SEMA5A: variants seen among roughly 807,000 people sequenced by gnomAD.
SEMA5A encodes the protein semaphorin 5A.
In SEMA5A, 55 loss-of-function variants were observed where a neutral mutation model predicts 135.5. The observed-to-expected ratio is 0.41, with a 90% CI of 0.33 to 0.51. SEMA5A has a LOEUF of 0.51. SEMA5A is among the 20% of genes least tolerant of loss of function. The pLI is 0.37. For synonymous variants in SEMA5A, 580 were observed against 546.5 expected (o/e 1.06, Z -0.85); for missense variants, 1,290 against 1,419.9 (o/e 0.91, Z 1.47).
At chr5:9,264,928 T>C (rs1169810286) in intron 5 of SEMA5A, among the ~76,000 whole-genome samples, 1 of 152,138 alleles carries the variant, frequency 6.6e-6, no homozygotes, top group African/African-American at 2.4e-5. Flanking sequence ...TCAAGTTTCT[T>C]TACCTACTAA....
intron 5 of SEMA5A, among the ~76,000 whole-genome samples, chr5:9,243,493 G>A (rs1423431892): frequency 6.6e-6 from 1 of 151,970 alleles, no homozygotes; most frequent in Non-Finnish European, 1.5e-5. Flanking sequence ...TGAGTTTTGG[G>A]GTGATACTCT....
intron 1 of SEMA5A, among the ~76,000 whole-genome samples, chr5:9,493,984 A>G (rs1207422679): frequency 2.6e-5 from 4 of 152,230 alleles, no homozygotes; most frequent in African/African-American, 9.6e-5. Flanking sequence ...TGTGCTAAAT[A>G]TTGTACCTAT....
At chr5:9,471,595 C>T (rs578212943) in intron 1 of SEMA5A, among the ~76,000 whole-genome samples, 1 of 152,126 alleles carries the variant, frequency 6.6e-6, no homozygotes, top group South Asian at 2.1e-4. Context: ...CAAAGTAACC[C>T]GTCCGATTAG....
chr5:9,466,732 G>T (rs1364982428), intron 1 of SEMA5A, among the ~76,000 whole-genome samples: 1 of 152,098 alleles, frequency 6.6e-6, no homozygotes, highest in East Asian at 1.9e-4. Context: ...TAATTATCTG[G>T]GCTTGGTTTC....
chr5:9,256,194 T>C (rs753502973), intron 5 of SEMA5A, among the ~76,000 whole-genome samples: 24 of 152,156 alleles, frequency 1.6e-4, no homozygotes, highest in South Asian at 6.2e-4. Context: ...ATAAGAAAAA[T>C]AGATGATGTT....
At chr5:9,267,630 T>C (rs1175864319) in intron 5 of SEMA5A, among the ~76,000 whole-genome samples, 28 of 152,162 alleles carry the variant, frequency 1.8e-4, no homozygotes, top group Admixed American at 1.8e-3. Flanking sequence ...AAAAGGCATC[T>C]GATTCCTCTG....
rs184291929 is a variant in SEMA5A at position 9,290,615 on chromosome 5, A to G, written c.270+27757T>C. ...TTAAAAATAACAGGAAGTTCAGCAA[A>G]TTTAGATCCCTTATATCTTAAAAAA... On this transcript the variant is annotated intron_variant, in intron 5 of 22. Coordinates refer to ENST00000382496, the MANE Select transcript of SEMA5A (RefSeq NM_003966.3). Among the ~76,000 whole-genome samples the G allele has an allele frequency of 1.7e-3, 258 of 152,276 alleles. 2 individuals carry two copies. Among genetic ancestry groups the G allele is most frequent in the African/African-American group, 5.8e-3 (243 of 41,572 alleles).
intron 2 of SEMA5A, among the ~76,000 whole-genome samples, chr5:9,407,999 T>C (rs1456124893): frequency 1.3e-5 from 2 of 150,728 alleles, no homozygotes; most frequent in Admixed American, 6.6e-5. Flanking sequence ...ACTGCCATCA[T>C]CACCATCACT....
intron 16 of SEMA5A, among the ~76,000 whole-genome samples, chr5:9,080,539 TA>T (rs11409624): frequency 2.4e-4 from 35 of 146,742 alleles, no homozygotes; most frequent in African/African-American, 5.0e-4. Context: ...ACTCTTAAAT[TA>T]AAAAAAAAAA....
At chr5:9,399,113 G>GA (rs1380554121) in intron 2 of SEMA5A, among the ~76,000 whole-genome samples, 1 of 152,184 alleles carries the variant, frequency 6.6e-6, no homozygotes, top group Non-Finnish European at 1.5e-5. Flanking sequence ...CTAAGAGAAA[G>GA]AAAATATCTG....
intron 12 of SEMA5A, among the ~76,000 whole-genome samples, chr5:9,150,638 G>T (rs1369967249): frequency 6.6e-6 from 1 of 152,148 alleles, no homozygotes; most frequent in Non-Finnish European, 1.5e-5. Context: ...ACAGGCAGGT[G>T]TTCTCTCACC....
At chr5:9,241,649 T>C (rs1748203214) in intron 5 of SEMA5A, among the ~76,000 whole-genome samples, 1 of 151,956 alleles carries the variant, frequency 6.6e-6, no homozygotes, top group Non-Finnish European at 1.5e-5. Flanking sequence ...AAGCCCCCAT[T>C]GTTTCAAGGT....
chr5:9,411,018 A>G (rs1224461637), intron 2 of SEMA5A, among the ~76,000 whole-genome samples: 1 of 149,338 alleles, frequency 6.7e-6, no homozygotes, highest in Non-Finnish European at 1.5e-5. Flanking sequence ...TTCTCATTTC[A>G]TCTTGTGATA....
In SEMA5A at chr5:9,267,940, C is replaced by T. The variant is rs535286847; in HGVS notation, c.271-30050G>A. Among the ~76,000 whole-genome samples, 46 of 152,158 alleles carry T rather than the reference C, an allele frequency of 3.0e-4. 2 individuals carry two copies. The highest frequency in any genetic ancestry group is 2.4e-4 in the Non-Finnish European group (16 of 67,992). ...AAGCTTTTTTCAAAAGTGTAGCATG[C>T]AAAAACATGCATATGACAGGATCTG... On this transcript the variant is annotated intron_variant, in intron 5 of 22. Coordinates refer to ENST00000382496, the MANE Select transcript of SEMA5A (RefSeq NM_003966.3).
intron 5 of SEMA5A, among the ~76,000 whole-genome samples, chr5:9,245,413 G>A (rs1307917247): frequency 1.3e-5 from 2 of 152,140 alleles, no homozygotes; most frequent in Non-Finnish European, 2.9e-5. Flanking sequence ...CATGCTTTAA[G>A]TGCAAAATTA....
intron 5 of SEMA5A, among the ~76,000 whole-genome samples, chr5:9,277,289 G>A (rs1463248686): frequency 6.6e-6 from 1 of 152,146 alleles, no homozygotes; most frequent in African/African-American, 2.4e-5. Context: ...CAGTTAGAAT[G>A]GTGATCATTA....
At chr5:9,105,832 G>A (rs1260080259) in intron 16 of SEMA5A, among the ~76,000 whole-genome samples, 1 of 152,160 alleles carries the variant, frequency 6.6e-6, no homozygotes, top group Non-Finnish European at 1.5e-5. Context: ...AACCCTTTGT[G>A]GACAAAGATT....
chr5:9,448,676 C>T (rs907655), intron 1 of SEMA5A, among the ~76,000 whole-genome samples: 144,272 of 152,312 alleles, frequency 0.95, 68,445 homozygotes, highest in African/African-American at 0.98. Context: ...GTAATTCTTG[C>T]TCTTTAGATT....
chr5:9,136,090 A>T (rs1741725128), intron 13 of SEMA5A, among the ~76,000 whole-genome samples: 1 of 152,148 alleles, frequency 6.6e-6, no homozygotes, highest in South Asian at 2.1e-4. Context: ...CCTTTAGTTT[A>T]TTCTTTTCTC....
Sources: gnomAD v4.1 joint callset for allele counts (sites outside exome capture counted in the v4.1 genomes callset) on GRCh38, gnomAD v4.1.1 for gene constraint, MANE v1.5 for transcripts, NCBI Gene and HGNC (gene_info 2026-07-23, HGNC 2026-07-21) for gene names.